BTBD16: variants seen among roughly 807,000 people sequenced by gnomAD.
BTBD16 encodes the protein BTB domain containing 16.
In BTBD16, 66 loss-of-function variants were observed where a neutral mutation model predicts 67.4. That is an observed-to-expected ratio of 0.98 (90% CI 0.80 to 1.20). The LOEUF (loss-of-function observed/expected upper bound fraction) is 1.20, where lower values mean the gene tolerates loss of function less well. Ranked by LOEUF, BTBD16 falls within the 50% of genes most tolerant of loss-of-function variation. BTBD16 has a pLI of 0.00. For synonymous variants in BTBD16, 242 were observed against 236.4 expected (o/e 1.02, Z -0.22); for missense variants, 634 against 616.0 (o/e 1.03, Z -0.31).
At chr10:122,329,941 G>A (rs575409416) in intron 11 of BTBD16, among the ~76,000 whole-genome samples, 6 of 152,142 alleles carry the variant, frequency 3.9e-5, no homozygotes, top group Non-Finnish European at 8.8e-5. Flanking sequence ...CTGAATTTGT[G>A]CTCCCTTAAC....
chr10:122,316,073 C>T, intron 10 of BTBD16, among the ~76,000 whole-genome samples: 1 of 152,244 alleles, frequency 6.6e-6, no homozygotes, highest in Non-Finnish European at 1.5e-5. Context: ...TTGAGACCAG[C>T]CTGACCAACA....
chr10:122,338,093 C>T lies in BTBD16; in HGVS notation c.*8C>T. Reference sequence around the variant, plus strand: ...ATCTTCCCAGCATCTTGACAGTTTCCAGAAGAATCTATGGGATTTTCCCCC... The same window carrying T: ...ATCTTCCCAGCATCTTGACAGTTTCTAGAAGAATCTATGGGATTTTCCCCC... On this transcript the variant is annotated 3_prime_UTR_variant, in exon 16 of 16. Transcript: ENST00000260723. 1 of 1,584,670 alleles carries T rather than the reference C, an allele frequency of 6.3e-7. No individual in the cohort carries two copies. The highest frequency in any genetic ancestry group is 1.3e-5 in the African/African-American group (1 of 74,362).
At chr10:122,327,426 A>G in intron 10 of BTBD16, 1 of 199,886 alleles carries the variant, frequency 5.0e-6, no homozygotes, top group Non-Finnish European at 8.9e-6. Context: ...CCCTTCCCAA[A>G]CACTGTCAGC....
intron 13 of BTBD16, chr10:122,332,731 T>G (rs1421575776): frequency 1.2e-6 from 1 of 822,336 alleles, no homozygotes; most frequent in Non-Finnish European, 1.5e-6. Flanking sequence ...ATTTCCCCAC[T>G]AAGAGGACCA....
chr10:122,318,684 C>G (rs2096430443), intron 10 of BTBD16, among the ~76,000 whole-genome samples: 1 of 152,196 alleles, frequency 6.6e-6, no homozygotes, highest in South Asian at 2.1e-4. Context: ...CTCCCAGGTT[C>G]AAGTGATTCT....
At chr10:122,323,385 C>T (rs1294103649) in intron 10 of BTBD16, among the ~76,000 whole-genome samples, 3 of 152,186 alleles carry the variant, frequency 2.0e-5, no homozygotes, top group Non-Finnish European at 2.9e-5. Context: ...AGGGATGACT[C>T]TCCAGTTGCT....
intron 9 of BTBD16, among the ~76,000 whole-genome samples, chr10:122,302,855 A>G (rs2096396706): frequency 6.6e-6 from 1 of 152,184 alleles, no homozygotes; most frequent in Non-Finnish European, 1.5e-5. Flanking sequence ...AGATGATAGG[A>G]AATGACGGGA....
chr10:122,338,117 C>T lies in BTBD16; in HGVS notation c.*32C>T, dbSNP rs762119918. ...CCAGAAGAATCTATGGGATTTTCCCCCCACTGGTCTGCATAAAAGAAAATA... is the reference window on the plus strand; with the variant it reads ...CCAGAAGAATCTATGGGATTTTCCCTCCACTGGTCTGCATAAAAGAAAATA... On this transcript the variant is annotated 3_prime_UTR_variant, in exon 16 of 16. Transcript: ENST00000260723. 3 of 1,493,746 alleles carry T rather than the reference C, an allele frequency of 2.0e-6. No homozygotes were observed. The highest frequency in any genetic ancestry group is 2.3e-5 in the South Asian group (2 of 87,392). 92.5% of individuals were successfully genotyped at this position (1,493,746 alleles called of 1,614,324 possible). A position where few individuals can be genotyped will look rare whatever the true frequency, so the allele number is the denominator to read the frequency against.
intron 10 of BTBD16, among the ~76,000 whole-genome samples, chr10:122,318,975 T>C (rs2096431011): frequency 1.3e-5 from 2 of 152,242 alleles, no homozygotes. Flanking sequence ...ATTTCCCCAG[T>C]GACTAAGGAT....
chr10:122,278,441 G>A (rs534116118), intron 3 of BTBD16, among the ~76,000 whole-genome samples: 1 of 152,294 alleles, frequency 6.6e-6, no homozygotes, highest in South Asian at 2.1e-4. Context: ...GTCATCTTGA[G>A]GATTAAATGA....
chr10:122,277,478 T>C (rs2096343337), intron 3 of BTBD16, among the ~76,000 whole-genome samples: 1 of 152,130 alleles, frequency 6.6e-6, no homozygotes, highest in Non-Finnish European at 1.5e-5. Flanking sequence ...GATCAGAAAT[T>C]TATAAAGAAA....
At chr10:122,308,180 G>A (rs1194723462) in intron 10 of BTBD16, among the ~76,000 whole-genome samples, 1 of 152,208 alleles carries the variant, frequency 6.6e-6, no homozygotes, top group East Asian at 1.9e-4. Flanking sequence ...AGGAAAAAGA[G>A]CTAGAATGTG....
intron 10 of BTBD16, among the ~76,000 whole-genome samples, chr10:122,321,930 G>C (rs2096436119): frequency 6.6e-6 from 1 of 152,028 alleles, no homozygotes; most frequent in Non-Finnish European, 1.5e-5. Context: ...ATATTTCCTA[G>C]GTTTCTTCTA....
At chr10:122,305,279 A>C (rs1391243307) in intron 9 of BTBD16, among the ~76,000 whole-genome samples, 1 of 152,200 alleles carries the variant, frequency 6.6e-6, no homozygotes, top group Non-Finnish European at 1.5e-5. Flanking sequence ...AATATCCTTG[A>C]TATAGTTTAG....
chr10:122,275,364 A>G (rs1198100144), intron 2 of BTBD16, among the ~76,000 whole-genome samples: 3 of 152,094 alleles, frequency 2.0e-5, no homozygotes, highest in Non-Finnish European at 4.4e-5. Context: ...GTTTTTAATC[A>G]CCCACCATCT....
intron 13 of BTBD16, chr10:122,332,734 G>A (rs2096457209): frequency 1.2e-6 from 1 of 820,396 alleles, no homozygotes; most frequent in African/African-American, 1.9e-5. Context: ...TCCCCACTAA[G>A]AGGACCAGCA....
intron 9 of BTBD16, among the ~76,000 whole-genome samples, chr10:122,304,799 C>T (rs371628287): frequency 3.9e-5 from 6 of 151,988 alleles, no homozygotes; most frequent in African/African-American, 9.7e-5. Flanking sequence ...GTGATCTGCC[C>T]GCCTCGGCCT....
At chr10:122,303,604 A>G (rs2096398031) in intron 9 of BTBD16, 1 of 527,696 alleles carries the variant, frequency 1.9e-6, no homozygotes, top group Non-Finnish European at 2.4e-6. Flanking sequence ...GGCTTTCTCT[A>G]TGGTCTACAT....
intron 4 of BTBD16, among the ~76,000 whole-genome samples, chr10:122,284,513 G>A (rs1023868065): frequency 3.3e-5 from 5 of 152,010 alleles, no homozygotes; most frequent in African/African-American, 1.2e-4. Flanking sequence ...TAAAGCAGCT[G>A]TTCTTTGTCT....
Sources: gnomAD v4.1 joint callset for allele counts (sites outside exome capture counted in the v4.1 genomes callset) on GRCh38, gnomAD v4.1.1 for gene constraint, MANE v1.5 for transcripts, NCBI Gene and HGNC (gene_info 2026-07-23, HGNC 2026-07-21) for gene names.